Variants in CACNA1A observed in about 807,000 individuals in gnomAD.
The protein encoded by CACNA1A is voltage-dependent P/Q-type calcium channel subunit alpha-1A.
A neutral mutation model predicts 262.4 loss-of-function variants in CACNA1A; 57 were observed. The observed-to-expected ratio is 0.22, with a 90% CI of 0.18 to 0.27. The LOEUF (loss-of-function observed/expected upper bound fraction) is 0.27, where lower values mean the gene tolerates loss of function less well. CACNA1A is among the 10% of genes least tolerant of loss of function. The pLI is 1.00. For synonymous variants in CACNA1A, 1,431 were observed against 1,419.3 expected, an observed-to-expected ratio of 1.01 and a Z score of -0.18; for missense variants, 2,526 against 3,562.8, an observed-to-expected ratio of 0.71 and a Z score of 7.41.
intron 1 of CACNA1A, among the ~76,000 whole-genome samples, chr19:13,491,124 T>C (rs973565005): frequency 3.9e-5 from 6 of 152,220 alleles, no homozygotes; most frequent in Admixed American, 3.9e-4. Flanking sequence ...GGAATGCAAA[T>C]GGTTTCCCGG....
intron 38 of CACNA1A, among the ~76,000 whole-genome samples, chr19:13,216,794 C>T (rs1012712275): frequency 4.6e-5 from 7 of 152,040 alleles, no homozygotes; most frequent in Admixed American, 3.9e-4. Flanking sequence ...TCAAGCAATC[C>T]ACATTCTGAC....
chr19:13,385,526 C>T (rs919898049), intron 3 of CACNA1A, among the ~76,000 whole-genome samples: 23 of 151,938 alleles, frequency 1.5e-4, no homozygotes, highest in Non-Finnish European at 2.9e-4. Flanking sequence ...CTGCGCCCGG[C>T]CTTCTTTTCT....
chr19:13,217,764 G>A (rs1447569790), intron 38 of CACNA1A, among the ~76,000 whole-genome samples: 1 of 152,086 alleles, frequency 6.6e-6, no homozygotes, highest in African/African-American at 2.4e-5. Flanking sequence ...TAAGCAGTAA[G>A]GACTAGCTCA....
At chr19:13,311,378 A>G (rs1263690692) in intron 12 of CACNA1A, among the ~76,000 whole-genome samples, 2 of 152,230 alleles carry the variant, frequency 1.3e-5, no homozygotes, top group African/African-American at 4.8e-5. Context: ...GGCATGAGGC[A>G]TCACACCCGG....
chr19:13,367,032 C>T (rs922859058), intron 4 of CACNA1A, among the ~76,000 whole-genome samples: 7 of 152,152 alleles, frequency 4.6e-5, no homozygotes, highest in Non-Finnish European at 7.3e-5. Flanking sequence ...CGGCGGTTCA[C>T]GCCTCTAATC....
chr19:13,504,171 A>G (rs1372902982), intron 1 of CACNA1A, among the ~76,000 whole-genome samples: 1 of 152,132 alleles, frequency 6.6e-6, no homozygotes, highest in African/African-American at 2.4e-5. Context: ...TCCTCCTGCA[A>G]GGCACTCCCA....
chr19:13,277,451 G>GC (rs2057178317), intron 22 of CACNA1A: 1 of 210,732 alleles, frequency 4.7e-6, no homozygotes, highest in Non-Finnish European at 9.7e-6. Flanking sequence ...ATTAGAAGCG[G>GC]CCCCAGAGAA....
chr19:13,302,488 G>T (rs1307704709), intron 17 of CACNA1A, among the ~76,000 whole-genome samples: 1 of 152,218 alleles, frequency 6.6e-6, no homozygotes, highest in Non-Finnish European at 1.5e-5. Flanking sequence ...TTTCCATGAG[G>T]ACTGAATAGG....
At chr19:13,291,372 A>G (rs2057533959) in intron 19 of CACNA1A, among the ~76,000 whole-genome samples, 1 of 151,834 alleles carries the variant, frequency 6.6e-6, no homozygotes, top group South Asian at 2.1e-4. Flanking sequence ...TAATCCCTGC[A>G]ACTACCACCA....
intron 30 of CACNA1A, among the ~76,000 whole-genome samples, chr19:13,252,366 G>A (rs2056423541): frequency 6.6e-6 from 1 of 151,652 alleles, no homozygotes; most frequent in Non-Finnish European, 1.5e-5. Context: ...GAGCCACTGT[G>A]CTCAGCCTGA....
chr19:13,349,721 C>A (rs572600812), intron 6 of CACNA1A, among the ~76,000 whole-genome samples: 1 of 152,232 alleles, frequency 6.6e-6, no homozygotes, highest in Non-Finnish European at 1.5e-5. Context: ...TTCTGACTCT[C>A]AATCGCTGTG....
chr19:13,478,953 C>A (rs1978911620), intron 1 of CACNA1A, among the ~76,000 whole-genome samples: 1 of 152,174 alleles, frequency 6.6e-6, no homozygotes, highest in African/African-American at 2.4e-5. Context: ...GTGGGTGGAT[C>A]ACCTGAGGTC....
intron 3 of CACNA1A, among the ~76,000 whole-genome samples, chr19:13,432,085 G>C (rs10403301): frequency 0.32 from 43,317 of 134,644 alleles, 7,158 homozygotes; most frequent in African/African-American, 0.4. Context: ...AGCCTAGCAA[G>C]AGAGTGAGAC....
At chr19:13,398,000 G>A (rs557845670) in intron 3 of CACNA1A, among the ~76,000 whole-genome samples, 8 of 151,970 alleles carry the variant, frequency 5.3e-5, no homozygotes, top group Non-Finnish European at 7.4e-5. Context: ...GGTGGCTCAC[G>A]GCTGTAATCC....
chr19:13,474,456 G>A (rs1023858753), intron 1 of CACNA1A, among the ~76,000 whole-genome samples: 2 of 152,186 alleles, frequency 1.3e-5, no homozygotes, highest in Admixed American at 6.5e-5. Flanking sequence ...ACTCCCTGGT[G>A]GGGTGAGCAG....
Position 13,322,558 on chromosome 19 carries a change from G to A in CACNA1A, c.1346-5237C>T, listed in dbSNP as rs541788960. 6.0e-5 allele frequency among the ~76,000 whole-genome samples: 9 copies of A among 151,094 alleles called. 1 individual carries two copies. The highest frequency in any genetic ancestry group is 2.1e-4 in the South Asian group (1 of 4,770). On this transcript the variant is annotated intron_variant, in intron 10 of 46. Transcript: ENST00000360228. ...ATTAAAATGATGTAAATGGATCCCC[G>A]TTTCCCCACATCCTTGCCAGCACTT...
At chr19:13,419,807 C>T (rs75876597) in intron 3 of CACNA1A, among the ~76,000 whole-genome samples, 2,116 of 150,732 alleles carry the variant, frequency 0.014, 48 homozygotes, top group African/African-American at 0.049. Flanking sequence ...AAATCCTGGC[C>T]GGGCATGGTG....
chr19:13,323,219 A>G (rs1002325960), intron 10 of CACNA1A, among the ~76,000 whole-genome samples: 3 of 152,206 alleles, frequency 2.0e-5, no homozygotes, highest in African/African-American at 7.2e-5. Flanking sequence ...AGATCACAAC[A>G]CTGCGCTCCA....
At chr19:13,259,341 TTGG>T in intron 27 of CACNA1A, 1 of 118,266 alleles carries the variant, frequency 8.5e-6, no homozygotes, top group Admixed American at 8.8e-5. Context: ...TTTTTTTTTT[TTGG>T]GATTTTTAGT....
Sources: allele counts gnomAD v4.1 joint callset (sites outside exome capture counted in the v4.1 genomes callset), GRCh38; gene constraint gnomAD v4.1.1; transcripts MANE v1.5; gene names NCBI Gene and HGNC (gene_info 2026-07-23, HGNC 2026-07-21).